The following OCA2 variants were observed in gnomAD, a reference collection of about 807,000 sequenced individuals.
The protein encoded by OCA2 is P protein.
Under a neutral mutation model 100.2 loss-of-function variants are expected in OCA2, and 77 were observed. The observed-to-expected ratio is 0.77, with a 90% confidence interval of 0.64 to 0.93. OCA2 has a LOEUF of 0.93. Ranked by LOEUF, OCA2 falls within the 40% of genes least tolerant of loss-of-function variation. OCA2 has a pLI of 0.00. For missense variants in OCA2, 1,062 were observed against 1,089.1 expected, an observed-to-expected ratio of 0.98 and a Z score of 0.35; for synonymous variants, 432 against 439.2, an observed-to-expected ratio of 0.98 and a Z score of 0.21.
intron 19 of OCA2, chr15:27,896,003 A>T: frequency 1.1e-6 from 1 of 928,624 alleles, no homozygotes; most frequent in Non-Finnish European, 1.7e-6. Context: ...GGTGTATTGT[A>T]CTGGCCTGCA....
At chr15:27,770,781 C>T (rs78614877) in intron 23 of OCA2, among the ~76,000 whole-genome samples, 5,864 of 46,466 alleles carry the variant, frequency 0.13, 198 homozygotes, top group Non-Finnish European at 0.15. Flanking sequence ...TCCCTTCCAT[C>T]CTTCCTTCCT....
chr15:27,845,019 A>G lies in OCA2; in HGVS notation c.2372T>C (p.Val791Ala), dbSNP rs1357741348. ...CTGTTCTGCAATCCCTGCACACACG[A>G]CGTTTGCCGACGCGCCAATCAGTGT... ...NGTLIGASAN[V>A]VCAGIAEQHG... is the part of the protein sequence containing the mutation. The change falls in exon 23 of 24, where the codon GTC becomes GCC. Residue 791 changes from valine to alanine, a missense_variant. Coordinates refer to ENST00000354638, the MANE Select transcript of OCA2 (RefSeq NM_000275.3). 1.9e-6 allele frequency: 3 copies of G among 1,614,062 alleles called. No individual in the cohort carries two copies. The highest frequency in any genetic ancestry group is 1.3e-5 in the African/African-American group (1 of 75,006).
chr15:28,072,618 C>T (rs1165793225), intron 2 of OCA2, among the ~76,000 whole-genome samples: 1 of 149,296 alleles, frequency 6.7e-6, no homozygotes, highest in Admixed American at 6.7e-5. Flanking sequence ...AACAAGTAAC[C>T]CCATTAAAAA....
intron 18 of OCA2, among the ~76,000 whole-genome samples, chr15:27,926,828 G>A (rs918190334): frequency 2.0e-5 from 3 of 152,000 alleles, no homozygotes; most frequent in Non-Finnish European, 2.9e-5. Flanking sequence ...TGACCAGGCT[G>A]GTCTCACACT....
intron 2 of OCA2, 87 bp downstream of exon 2, chr15:28,081,561 C>T (rs762495235): frequency 3.2e-4 from 433 of 1,354,080 alleles, no homozygotes; most frequent in Middle Eastern, 9.0e-4. Context: ...GGAAATTTTT[C>T]CCACAACAAA....
chr15:28,087,529 T>A (rs940600763), intron 1 of OCA2, among the ~76,000 whole-genome samples: 2 of 152,170 alleles, frequency 1.3e-5, no homozygotes, highest in South Asian at 2.1e-4. Flanking sequence ...GCAGATTCAT[T>A]GAGCCCAGGA....
intron 23 of OCA2, among the ~76,000 whole-genome samples, chr15:27,804,542 G>A (rs1201994123): frequency 1.3e-5 from 2 of 152,196 alleles, no homozygotes; most frequent in African/African-American, 4.8e-5. Flanking sequence ...GCACTTGCAC[G>A]TAGAATGTTC....
chr15:28,001,950 C>A (rs1418871652), intron 9 of OCA2, among the ~76,000 whole-genome samples: 1 of 152,154 alleles, frequency 6.6e-6, no homozygotes, highest in Non-Finnish European at 1.5e-5. Context: ...CGAGAGCTGC[C>A]GGGCTCACGG....
chr15:27,740,778 G>A, the OCA2 span, among the ~76,000 whole-genome samples: 2 of 152,174 alleles, frequency 1.3e-5, no homozygotes, highest in Admixed American at 1.3e-4. Flanking sequence ...CATAGGCACA[G>A]GCTGGGTCGG....
At chr15:28,001,837 C>T (rs1374190282) in intron 9 of OCA2, among the ~76,000 whole-genome samples, 3 of 152,216 alleles carry the variant, frequency 2.0e-5, no homozygotes, top group Non-Finnish European at 4.4e-5. Flanking sequence ...CTGACAAATG[C>T]CCAGCCGGGC....
At chr15:28,091,077 A>T (rs1457744984) in intron 1 of OCA2, among the ~76,000 whole-genome samples, 1 of 152,204 alleles carries the variant, frequency 6.6e-6, no homozygotes, top group East Asian at 1.9e-4. Context: ...ACAACTTTAC[A>T]TACATAACTT....
intron 14 of OCA2, among the ~76,000 whole-genome samples, chr15:27,982,393 T>A (rs144361085): frequency 2.0e-5 from 3 of 152,316 alleles, no homozygotes; most frequent in Non-Finnish European, 4.4e-5. Context: ...GGATAACAGG[T>A]GCCCCTAGCA....
chr15:27,768,813 G>A (rs1225235416), intron 23 of OCA2, among the ~76,000 whole-genome samples: 1 of 152,182 alleles, frequency 6.6e-6, no homozygotes, highest in African/African-American at 2.4e-5. Flanking sequence ...TGAAGGGGAA[G>A]GCAAGGCCTG....
At chr15:27,876,861 T>A (rs992571350) in intron 19 of OCA2, among the ~76,000 whole-genome samples, 1 of 151,908 alleles carries the variant, frequency 6.6e-6, no homozygotes, top group Admixed American at 6.6e-5. Context: ...CTTAGTAGGT[T>A]TTTTTCTGCT....
At chr15:27,770,812 T>TCCTTCCTCCCTC (rs2031701761) in intron 23 of OCA2, among the ~76,000 whole-genome samples, 7 of 109,850 alleles carry the variant, frequency 6.4e-5, no homozygotes, top group African/African-American at 2.3e-4. Flanking sequence ...TTTCCTTCCT[T>TCCTTCCTCCCTC]CCTCCCTTCC....
chr15:28,005,299 G>A (rs1385414718), intron 9 of OCA2, among the ~76,000 whole-genome samples: 3 of 151,882 alleles, frequency 2.0e-5, no homozygotes, highest in Non-Finnish European at 2.9e-5. Context: ...CCAAGCCCCC[G>A]TCTCCCCAAG....
Position 27,983,364 on chromosome 15 carries a change from T to A in OCA2, c.1484A>T (p.Asn495Ile), listed in dbSNP as rs531606889. 1 of 1,614,118 alleles carries A rather than the reference T, an allele frequency of 6.2e-7. No homozygotes were observed. The highest frequency in any genetic ancestry group is 1.1e-5 in the South Asian group (1 of 91,072). ...GDPPNVIIVS[N>I]QELRKMGLDF... ...ACGTACCATCTTCCTCAGCTCTTGG[T>A]TGGAAACAATAATGACATTTGGAGG... Residue 495 changes from asparagine (N) to isoleucine (I), a missense_variant, in exon 14 of 24, where the codon AAC becomes ATC. Transcript: ENST00000354638.
intron 19 of OCA2, among the ~76,000 whole-genome samples, chr15:27,877,594 T>C (rs961323665): frequency 6.6e-6 from 1 of 152,022 alleles, no homozygotes; most frequent in African/African-American, 2.4e-5. Flanking sequence ...TTATGTGCAC[T>C]GAAGTTTATT....
chr15:27,790,741 C>T (rs2033040647), intron 23 of OCA2, among the ~76,000 whole-genome samples: 1 of 151,544 alleles, frequency 6.6e-6, no homozygotes. Context: ...CTATACACCT[C>T]AAATGGTAAA....
Sources: allele counts gnomAD v4.1 joint callset (sites outside exome capture counted in the v4.1 genomes callset), GRCh38; gene constraint gnomAD v4.1.1; transcripts MANE v1.5; gene names NCBI Gene and HGNC (gene_info 2026-07-23, HGNC 2026-07-21).